CAPN5: variants seen among roughly 807,000 people sequenced by gnomAD.
CAPN5 encodes the protein calpain 5.
A neutral mutation model predicts 73.0 loss-of-function variants in CAPN5; 54 were observed. The observed-to-expected ratio is 0.74, with a 90% CI of 0.59 to 0.93. CAPN5 has a LOEUF of 0.93. CAPN5 is among the 40% of genes least tolerant of loss of function. The pLI, the probability that CAPN5 is intolerant of heterozygous loss-of-function variation, is 0.00. For missense variants in CAPN5, 785 were observed against 882.9 expected, an observed-to-expected ratio of 0.89 and a Z score of 1.41; for synonymous variants, 335 against 356.9, an observed-to-expected ratio of 0.94 and a Z score of 0.69.
intron 1 of CAPN5, among the ~76,000 whole-genome samples, chr11:77,083,475 C>T (rs1375008699): frequency 1.3e-5 from 2 of 152,182 alleles, no homozygotes; most frequent in African/African-American, 2.4e-5. Context: ...TCTGGGTTCC[C>T]GTCCGGACAC....
intron 1 of CAPN5, among the ~76,000 whole-genome samples, chr11:77,081,717 C>T (rs1279205266): frequency 4.6e-5 from 7 of 152,120 alleles, no homozygotes; most frequent in Non-Finnish European, 1.0e-4. Context: ...AGGGCTGGGC[C>T]GCAGCAGAAT....
chr11:77,098,508 C>CCT (rs1950241228), intron 3 of CAPN5, among the ~76,000 whole-genome samples: 1 of 99,800 alleles, frequency 1.0e-5, no homozygotes, highest in Non-Finnish European at 2.0e-5. Context: ...GAGGGCTGAC[C>CCT]CCCCCACCTC....
chr11:77,075,776 C>A (rs565406238), intron 1 of CAPN5, among the ~76,000 whole-genome samples: 1 of 151,714 alleles, frequency 6.6e-6, no homozygotes, highest in Non-Finnish European at 1.5e-5. Context: ...GGACCACACC[C>A]ATGGAACCAC....
intron 3 of CAPN5, among the ~76,000 whole-genome samples, chr11:77,098,104 C>CA (rs1950233196): frequency 1.4e-5 from 1 of 69,956 alleles, no homozygotes; most frequent in Admixed American, 1.2e-4. Flanking sequence ...GGGGGGCTGA[C>CA]CCCCCCACCT....
At position 77,125,614 on chromosome 11, in the gene CAPN5, C is replaced by CTATATATATATATATATATA. The variant is rs10543158; in HGVS notation, c.*1751_*1770dup. 93 of 140,706 alleles carry CTATATATATATATATATATA rather than the reference C, an allele frequency of 6.6e-4. No individual in the cohort carries two copies. Among genetic ancestry groups the CTATATATATATATATATATA allele is most frequent in the African/African-American group, 2.3e-3 (88 of 38,390 alleles). 8.7% of individuals were successfully genotyped at this position (140,706 alleles called of 1,614,324 possible). A position where few individuals can be genotyped will look rare whatever the true frequency, so the allele number is the denominator to read the frequency against. On this transcript the variant is annotated 3_prime_UTR_variant, in exon 13 of 13. Transcript: ENST00000648180. Reference sequence around the variant, plus strand: ...CTATGTATCTCTGTATGCACACGCACTATATATATATATATATATATATAT... The same window carrying CTATATATATATATATATATA: ...CTATGTATCTCTGTATGCACACGCACTATATATATATATATATATATATATATATATATATATATATATAT...
chr11:77,117,568 TAGAA>T (rs1393778750), intron 7 of CAPN5, among the ~76,000 whole-genome samples: 1 of 152,234 alleles, frequency 6.6e-6, no homozygotes, highest in Admixed American at 6.5e-5. Flanking sequence ...TCCTTGCCTT[TAGAA>T]AGAGTTTCTT....
chr11:77,074,776 C>T (rs1555033685), intron 1 of CAPN5, among the ~76,000 whole-genome samples: 1 of 152,178 alleles, frequency 6.6e-6, no homozygotes, highest in Non-Finnish European at 1.5e-5. Context: ...CTCACTCTGC[C>T]AGGCCTGTGC....
Position 77,084,863 on chromosome 11 carries a change from C to G in CAPN5, c.-24C>G. 1 of 1,613,816 alleles carries G rather than the reference C, an allele frequency of 6.2e-7. No individual in the cohort carries two copies. Among genetic ancestry groups the G allele is most frequent in the African/African-American group, 1.3e-5 (1 of 75,044 alleles). On this transcript the variant is annotated 5_prime_UTR_variant, in exon 2 of 13. Transcript: ENST00000648180. The stretch of plus-strand genomic sequence containing the variant: ...GCCTTCCTGTCCAGGTGTTCCCCCT[C>G]CCCTCCCTGGGGCAGCAGCCACCAT...
rs782170160 is a variant in CAPN5, at chr11:77,123,676, G to A, written c.1741-12G>A. Reference sequence around the variant, plus strand: ...TAGCCCGCCCCTCCCATGATCCTCTGTCTCTTCCCAGGTCTGGAACCACCG... The same window carrying A: ...TAGCCCGCCCCTCCCATGATCCTCTATCTCTTCCCAGGTCTGGAACCACCG... On this transcript the variant is annotated splice_polypyrimidine_tract_variant and intron_variant, in intron 12 of 12. Coordinates refer to ENST00000648180, the MANE Select transcript of CAPN5 (RefSeq NM_004055.5). The A allele has an allele frequency of 1.2e-6, 2 of 1,610,436 alleles. No individual in the cohort carries two copies. Among genetic ancestry groups the A allele is most frequent in the Non-Finnish European group, 1.7e-6 (2 of 1,177,836 alleles).
chr11:77,080,069 G>A (rs1565257262), intron 1 of CAPN5, among the ~76,000 whole-genome samples: 1 of 152,072 alleles, frequency 6.6e-6, no homozygotes, highest in Non-Finnish European at 1.5e-5. Flanking sequence ...TTTTCCTTAT[G>A]GATAGCCAGT....
intron 3 of CAPN5, among the ~76,000 whole-genome samples, chr11:77,094,123 T>C (rs115472679): frequency 0.011 from 1,727 of 152,336 alleles, 29 homozygotes; most frequent in African/African-American, 0.04. Flanking sequence ...GCTGTGTGCA[T>C]CACATTTAGT....
At chr11:77,068,332 C>T (rs375771726) in intron 1 of CAPN5, among the ~76,000 whole-genome samples, 1 of 152,148 alleles carries the variant, frequency 6.6e-6, no homozygotes, top group Non-Finnish European at 1.5e-5. Context: ...AGGAGCCTCT[C>T]TTCTGACAAG....
In CAPN5 at chr11:77,123,755, A is replaced by AC; in HGVS notation, c.1810dup (p.Leu604ProfsTer14). 6.2e-7 allele frequency: 1 copy of AC among 1,613,460 alleles called. No individual in the cohort carries two copies. The highest frequency in any genetic ancestry group is 8.5e-7 in the Non-Finnish European group (1 of 1,179,874). On this transcript the variant is annotated frameshift_variant, in exon 13 of 13. Coordinates refer to ENST00000648180, the MANE Select transcript of CAPN5 (RefSeq NM_004055.5). LOFTEE classifies it high-confidence loss of function. Reference sequence around the variant, plus strand: ...GTGCACCTAAAGGCTGACCCGGACAACCTCCAGGCCCTGCATACCCTCCAC... The same window carrying AC: ...GTGCACCTAAAGGCTGACCCGGACAACCCTCCAGGCCCTGCATACCCTCCAC...
chr11:77,123,926 T>C lies in CAPN5; in HGVS notation c.*56T>C. On this transcript the variant is annotated 3_prime_UTR_variant, in exon 13 of 13. Coordinates refer to ENST00000648180, the MANE Select transcript of CAPN5 (RefSeq NM_004055.5). The stretch of plus-strand genomic sequence containing the variant: ...CCCACCACCATCTGCATGTCCCCAC[T>C]GGGCCTGAGTCTAGCCTGGGAGCCA... 6.5e-7 allele frequency: 1 copy of C among 1,538,256 alleles called. No individual in the cohort carries two copies. The highest frequency in any genetic ancestry group is 8.9e-7 in the Non-Finnish European group (1 of 1,123,844).
intron 3 of CAPN5, among the ~76,000 whole-genome samples, chr11:77,106,853 G>A (rs1192246692): frequency 6.6e-6 from 1 of 152,238 alleles, no homozygotes; most frequent in Non-Finnish European, 1.5e-5. Context: ...CGGAGGGGTG[G>A]GCAGGAACCT....
chr11:77,088,088 G>T (rs1335739330), intron 2 of CAPN5: 6 of 1,517,066 alleles, frequency 4.0e-6, no homozygotes, highest in African/African-American at 1.4e-5. Flanking sequence ...CACCCTGTGG[G>T]GGCAACATCC....
intron 1 of CAPN5, among the ~76,000 whole-genome samples, chr11:77,083,254 G>A (rs903478695): frequency 6.6e-6 from 1 of 152,180 alleles, no homozygotes; most frequent in Non-Finnish European, 1.5e-5. Flanking sequence ...CTTGGCAGGT[G>A]GGGGGACAAT....
intron 1 of CAPN5, among the ~76,000 whole-genome samples, chr11:77,083,145 T>C (rs1387979425): frequency 6.6e-6 from 1 of 152,150 alleles, no homozygotes; most frequent in East Asian, 1.9e-4. Context: ...GTGGTTGGCC[T>C]GAGGTCACAC....
rs202150535 is a variant in CAPN5 at position 77,084,968 on chromosome 11, G to A, written c.82G>A (p.Glu28Lys). Reference sequence around the variant, plus strand: ...CTGCCGGCGCAGGAAGGTGCTCTTCGAGGACCCCCTCTTCCCCGCCACTGA... The same window carrying A: ...CTGCCGGCGCAGGAAGGTGCTCTTCAAGGACCCCCTCTTCCCCGCCACTGA... ...RDCRRRKVLF[E>K]DPLFPATDDS... The change falls in exon 2 of 13, where the codon GAG (glutamate) becomes AAG (lysine). Residue 28 changes from glutamate to lysine, a missense_variant. Coordinates refer to ENST00000648180, the MANE Select transcript of CAPN5 (RefSeq NM_004055.5). 77 of 1,613,528 alleles carry A rather than the reference G, an allele frequency of 4.8e-5. No homozygotes were observed. In the African/African-American group the frequency reaches 6.5e-4, roughly 14 times the overall value.
Sources: gnomAD v4.1 joint callset for allele counts (sites outside exome capture counted in the v4.1 genomes callset) on GRCh38, gnomAD v4.1.1 for gene constraint, MANE v1.5 for transcripts, NCBI Gene and HGNC (gene_info 2026-07-23, HGNC 2026-07-21) for gene names.